Variants in SOX6 observed in about 807,000 individuals in gnomAD.
SOX6 encodes transcription factor SOX-6.
SOX6 carries 11 observed loss-of-function variants against 97.8 expected under a neutral mutation model. The observed-to-expected ratio is 0.11, with a 90% CI of 0.07 to 0.19. SOX6 has a LOEUF of 0.19. Ranked by LOEUF, SOX6 falls within the 10% of genes least tolerant of loss-of-function variation. The probability of loss-of-function intolerance (pLI) is 1.00; values close to 1 mark genes in which losing one functional copy is unlikely to be tolerated. For missense variants in SOX6, 810 were observed against 1,039.5 expected (o/e 0.78, Z 3.04); for synonymous variants, 360 against 371.4 (o/e 0.97, Z 0.35).
At chr11:16,604,914 G>T (rs750409487) in intron 4 of SOX6, among the ~76,000 whole-genome samples, 2 of 152,172 alleles carry the variant, frequency 1.3e-5, no homozygotes, top group Non-Finnish European at 2.9e-5. Context: ...TCTGCGGAGC[G>T]CCGGGGAAGC....
intron 4 of SOX6, among the ~76,000 whole-genome samples, chr11:16,575,628 G>T (rs1847979781): frequency 6.6e-6 from 1 of 152,104 alleles, no homozygotes; most frequent in African/African-American, 2.4e-5. Context: ...AATAGATTCT[G>T]CATGATTCCA....
At chr11:16,106,437 T>C (rs1386794797) in intron 7 of SOX6, among the ~76,000 whole-genome samples, 2 of 152,010 alleles carry the variant, frequency 1.3e-5, no homozygotes. Flanking sequence ...CCTTTACATA[T>C]ATAGTTGATT....
intron 1 of SOX6, among the ~76,000 whole-genome samples, chr11:16,736,890 C>T (rs977138266): frequency 1.3e-5 from 2 of 152,156 alleles, no homozygotes; most frequent in Non-Finnish European, 2.9e-5. Flanking sequence ...ACCACAGAAC[C>T]ATTAAGATGT....
intron 2 of SOX6, among the ~76,000 whole-genome samples, chr11:16,718,980 A>T (rs946812121): frequency 4.9e-4 from 67 of 135,974 alleles, no homozygotes; most frequent in African/African-American, 1.8e-3. Context: ...TTTAAAATTA[A>T]AAAAAAAAAA....
chr11:16,521,988 C>T (rs561211553), intron 4 of SOX6, among the ~76,000 whole-genome samples: 2 of 152,166 alleles, frequency 1.3e-5, no homozygotes, highest in South Asian at 4.2e-4. Flanking sequence ...TGTGAAAAGA[C>T]CAAATCTACG....
intron 3 of SOX6, among the ~76,000 whole-genome samples, chr11:16,667,565 T>C (rs1445708202): frequency 6.6e-6 from 1 of 151,828 alleles, no homozygotes; most frequent in African/African-American, 2.4e-5. Context: ...AAAAAACTTT[T>C]ATCCTAGAAT....
chr11:16,285,228 A>G (rs1854697006), intron 3 of SOX6, among the ~76,000 whole-genome samples: 1 of 152,178 alleles, frequency 6.6e-6, no homozygotes, highest in Non-Finnish European at 1.5e-5. Flanking sequence ...AAACTGATAG[A>G]ATAATTGTAA....
intron 3 of SOX6, among the ~76,000 whole-genome samples, chr11:16,275,157 C>T (rs780614401): frequency 6.6e-6 from 1 of 151,880 alleles, no homozygotes; most frequent in Non-Finnish European, 1.5e-5. Flanking sequence ...AAGGATTCTT[C>T]GCAATTATTT....
chr11:16,177,406 G>A (rs971715062), intron 6 of SOX6, among the ~76,000 whole-genome samples: 3 of 151,874 alleles, frequency 2.0e-5, no homozygotes, highest in Non-Finnish European at 4.4e-5. Context: ...TCATATCCAA[G>A]TACCTAATTA....
chr11:16,089,623 C>A (rs1325974977), intron 9 of SOX6, among the ~76,000 whole-genome samples: 1 of 152,026 alleles, frequency 6.6e-6, no homozygotes, highest in Non-Finnish European at 1.5e-5. Context: ...CCTGAGTTTA[C>A]CTGTAGCATA....
rs182416465 is a variant in SOX6, at chr11:16,442,038, T to C, written c.-5+34277A>G. 1.6e-3 allele frequency among the ~76,000 whole-genome samples: 248 copies of C among 152,360 alleles called. 3 individuals are homozygous for C. Among genetic ancestry groups the C allele is most frequent in the Admixed American group, 0.014 (207 of 15,304 alleles). ...CCAGGTCACTGCATTATCAGCCTGA[T>C]ACAAATCATAACATTTTGGAGAAAA... is the stretch of plus-strand genomic sequence containing the variant. On this transcript the variant is annotated intron_variant, in intron 1 of 15. Transcript: ENST00000396356.
intron 3 of SOX6, among the ~76,000 whole-genome samples, chr11:16,287,296 T>TCACACACACACA (rs1338178758): frequency 1.0e-4 from 12 of 120,102 alleles, no homozygotes; most frequent in African/African-American, 3.2e-4. Flanking sequence ...TCTCTCTCTC[T>TCACACACACACA]CTCACACACA....
At chr11:16,209,125 T>C (rs1374192758) in intron 4 of SOX6, among the ~76,000 whole-genome samples, 1 of 152,250 alleles carries the variant, frequency 6.6e-6, no homozygotes, top group African/African-American at 2.4e-5. Flanking sequence ...TGTAACATAA[T>C]GCCACTCTTC....
intron 3 of SOX6, among the ~76,000 whole-genome samples, chr11:16,306,361 G>A (rs1431123722): frequency 1.3e-5 from 2 of 152,142 alleles, no homozygotes; most frequent in Admixed American, 6.6e-5. Context: ...ATGCAGTGGT[G>A]TACAGGTTTG....
At chr11:16,601,128 T>G (rs1030338413) in intron 4 of SOX6, among the ~76,000 whole-genome samples, 63 of 152,260 alleles carry the variant, frequency 4.1e-4, no homozygotes, top group Admixed American at 1.2e-3. Flanking sequence ...TAAACAGCAG[T>G]GAATGTTCAT....
chr11:16,516,266 C>G (rs1184550042), intron 4 of SOX6, among the ~76,000 whole-genome samples: 1 of 151,900 alleles, frequency 6.6e-6, no homozygotes, highest in Non-Finnish European at 1.5e-5. Context: ...TCCTTCACAT[C>G]CCTTGTAAGT....
At chr11:16,149,578 A>C (rs1003894811) in intron 6 of SOX6, among the ~76,000 whole-genome samples, 11 of 152,274 alleles carry the variant, frequency 7.2e-5, no homozygotes, top group African/African-American at 2.6e-4. Flanking sequence ...CAGCAACCAC[A>C]GACTTCAGAA....
intron 9 of SOX6, among the ~76,000 whole-genome samples, chr11:16,081,249 G>A (rs1848466316): frequency 6.6e-6 from 1 of 152,016 alleles, no homozygotes; most frequent in Non-Finnish European, 1.5e-5. Context: ...GTATTTCACA[G>A]AGCTAAGATG....
At chr11:16,535,567 G>A (rs2133172800) in intron 4 of SOX6, among the ~76,000 whole-genome samples, 1 of 152,168 alleles carries the variant, frequency 6.6e-6, no homozygotes, top group Non-Finnish European at 1.5e-5. Context: ...AGCTACTCAA[G>A]AGGCTAAGGT....
Sources: allele counts gnomAD v4.1 joint callset (sites outside exome capture counted in the v4.1 genomes callset), GRCh38; gene constraint gnomAD v4.1.1; transcripts MANE v1.5; gene names NCBI Gene and HGNC (gene_info 2026-07-23, HGNC 2026-07-21).